Variants in HEXD observed in about 807,000 individuals in gnomAD.
HEXD encodes the protein hexosaminidase D, also known as N-acetyl-beta-galactosaminidase.
In HEXD, 47 loss-of-function variants were observed where a neutral mutation model predicts 54.2. That is an observed-to-expected ratio of 0.87 (90% CI 0.69 to 1.11). HEXD has a LOEUF of 1.11. Ranked by LOEUF, HEXD falls within the 50% of genes least tolerant of loss-of-function variation. The probability of loss-of-function intolerance (pLI) is 0.00; values close to 1 mark genes in which losing one functional copy is unlikely to be tolerated. For missense variants in HEXD, 576 were observed against 649.2 expected (o/e 0.89, Z 1.23); for synonymous variants, 293 against 287.6 (o/e 1.02, Z -0.19).
intron 8 of HEXD, 101 bp from the exon 9 acceptor site, chr17:82,439,530 C>G (rs1285185966): frequency 1.3e-6 from 2 of 1,487,038 alleles, no homozygotes; most frequent in Non-Finnish European, 1.8e-6. Context: ...CTGATGTAGC[C>G]TAAGGCCCTG....
At chr17:82,437,013 G>A (rs900132980) in intron 7 of HEXD, 155 bp from the exon 8 acceptor site, 23 of 727,242 alleles carry the variant, frequency 3.2e-5, no homozygotes, top group South Asian at 1.2e-4. Flanking sequence ...GACCCGGGCC[G>A]GCCGCATACA....
intron 7 of HEXD, 113 bp downstream of exon 7, chr17:82,436,851 A>T: frequency 1.0e-6 from 1 of 985,360 alleles, no homozygotes; most frequent in Non-Finnish European, 1.5e-6. Context: ...GCACGGGTAG[A>T]GGCCAGGGCA....
intron 4 of HEXD, among the ~76,000 whole-genome samples, chr17:82,430,440 G>C (rs111344428): frequency 3.9e-5 from 6 of 152,200 alleles, no homozygotes; most frequent in African/African-American, 1.4e-4. Context: ...CCAGGCTGGA[G>C]TGTAGTGGTG....
At position 82,439,338 on chromosome 17, in the gene HEXD, C is replaced by T. The variant is rs541978340; in HGVS notation, c.900-293C>T. ...AGGTGCTGGGGGGAGGGACAACGAC[C>T]GGCCACCCACCCAAGGTCCACCCAG... On this transcript the variant is annotated intron_variant, in intron 8 of 12. Transcript: ENST00000327949. 6.7e-5 allele frequency: 49 copies of T among 731,374 alleles called. No homozygotes were observed. In the African/African-American group the frequency reaches 7.3e-4, roughly 11 times the overall value. The allele number at this position is 731,374 out of a possible 1,614,324, so 45.3% of individuals were successfully genotyped here.
In HEXD at chr17:82,435,718, G is replaced by A. The variant is rs747291771; in HGVS notation, c.477G>A (p.Ser159=). Residue 159 remains serine (S), a synonymous_variant, in exon 6 of 13, where the codon TCG becomes TCA. Transcript: ENST00000327949. ...EVYYLGEGEA[S]RRWLQQEQNS... is the part of the protein sequence containing the mutation. The stretch of plus-strand genomic sequence containing the variant: ...ATTACCTCGGAGAGGGGGAGGCCTC[G>A]CGCCGGTGGCTACAGCAAGAGCAGA... 3.3e-5 allele frequency: 54 copies of A among 1,612,692 alleles called. No homozygotes were observed. Among genetic ancestry groups the A allele is most frequent in the Non-Finnish European group, 4.2e-5 (49 of 1,179,658 alleles).
In HEXD at chr17:82,442,341, T is replaced by C. The variant is rs2054016023; in HGVS notation, c.1418T>C (p.Leu473Pro). The change falls in exon 13 of 13, where the codon CTG becomes CCG. Residue 473 changes from leucine (L) to proline (P), a missense_variant. Leu to Pro is a moderately conservative substitution (Grantham distance 98). Transcript: ENST00000327949. The surrounding 1 kb of genome is among the most constrained non-coding windows in gnomAD (Gnocchi z 6.8). ...QDLSEVSAPP[L>P]PPTSPGRDVA... ...CTCAGCGAGGTGTCTGCCCCCCCGC[T>C]GCCACCCACCAGCCCTGGCAGGGAC... 1.9e-6 allele frequency: 3 copies of C among 1,611,120 alleles called. No individual in the cohort carries two copies. Among genetic ancestry groups the C allele is most frequent in the Non-Finnish European group, 2.5e-6 (3 of 1,179,474 alleles).
rs1371000426 is a variant in HEXD at position 82,418,392 on chromosome 17, C to A, written c.-400C>A. On this transcript the variant is annotated 5_prime_UTR_variant, in exon 1 of 13. Transcript: ENST00000327949. ...CCTGTCCGCCGCCGCAGCGCGCGCC[C>A]TTCCCCTCCTCACCGCTACCTGCTC... 1 of 1,470,414 alleles carries A rather than the reference C, an allele frequency of 6.8e-7. No homozygotes were observed. Among genetic ancestry groups the A allele is most frequent in the South Asian group, 1.3e-5 (1 of 79,016 alleles). 91.1% of individuals were successfully genotyped at this position (1,470,414 alleles called of 1,614,324 possible).
At chr17:82,424,015 G>T (rs1012781449) in intron 2 of HEXD, among the ~76,000 whole-genome samples, 4 of 150,442 alleles carry the variant, frequency 2.7e-5, no homozygotes, top group Non-Finnish European at 5.9e-5. Context: ...TTCTCCTTCA[G>T]CCTGGCTGCC....
At chr17:82,438,212 T>C (rs1223775731) in intron 8 of HEXD, among the ~76,000 whole-genome samples, 1 of 151,870 alleles carries the variant, frequency 6.6e-6, no homozygotes, top group Admixed American at 6.6e-5. Flanking sequence ...CACTCCAGCC[T>C]GGGCGACAGA....
intron 8 of HEXD, among the ~76,000 whole-genome samples, chr17:82,437,625 CTGTGTGTGTGTG>C (rs5822529): frequency 6.6e-6 from 1 of 150,892 alleles, no homozygotes; most frequent in African/African-American, 2.4e-5. Context: ...GCACCTGAGG[CTGTGTGTGTGTG>C]TGTGTGTGTG....
At chr17:82,438,287 A>G (rs1225643264) in intron 8 of HEXD, among the ~76,000 whole-genome samples, 1 of 152,208 alleles carries the variant, frequency 6.6e-6, no homozygotes, top group Non-Finnish European at 1.5e-5. Context: ...TGTCCTGGAC[A>G]TTTCAGTGTG....
In HEXD at chr17:82,433,708, C is replaced by CCCCTGCA; in HGVS notation, c.339_345dup (p.Asn116HisfsTer18). The CCCCTGCA allele has an allele frequency of 2.5e-6, 4 of 1,612,852 alleles. No individual in the cohort carries two copies. The highest frequency in any genetic ancestry group is 3.4e-6 in the Non-Finnish European group (4 of 1,179,700). ...CCCACCTGCGGGAGGTGGGCTCCTTCCCCTGCACCCTGAACCCCCACGAGG... is the reference window on the plus strand; with the variant it reads ...CCCACCTGCGGGAGGTGGGCTCCTTCCCCTGCACCCTGCACCCTGAACCCCCACGAGG... On this transcript the variant is annotated frameshift_variant, in exon 5 of 13. Transcript: ENST00000327949. LOFTEE classifies it high-confidence loss of function.
In HEXD at chr17:82,437,320, C is replaced by T. The variant is rs1026062693; in HGVS notation, c.856C>T (p.Pro286Ser). The T allele has an allele frequency of 2.5e-6, 4 of 1,610,648 alleles. No individual in the cohort carries two copies. Among genetic ancestry groups the T allele is most frequent in the Non-Finnish European group, 3.4e-6 (4 of 1,178,940 alleles). The change falls in exon 8 of 13, where the codon CCC (proline) becomes TCC (serine). Residue 286 changes from proline to serine, a missense_variant. Coordinates refer to ENST00000327949, the MANE Select transcript of HEXD (RefSeq NM_001330542.2). ...VQWLQVAGSG[P>S]TDSLQGIILT... ...GTGGCTGCAGGTGGCGGGCAGCGGG[C>T]CCACGGACTCACTGCAGGGCATCAT...
rs1417975693 is a variant in HEXD, at chr17:82,441,858, A to G, written c.1222A>G (p.Met408Val). ...HRQRKLIHPV[M>V]VQHIQPAALS... ...CCAGCGGAAGCTCATCCACCCGGTC[A>G]TGGTTCAGCACATCCAGCCCGCAGC... Residue 408 changes from methionine (M) to valine (V), a missense_variant, in exon 12 of 13, where the codon ATG (methionine) becomes GTG (valine). By Grantham distance (21) the Met-to-Val change is conservative (BLOSUM62 1). Coordinates refer to ENST00000327949, the MANE Select transcript of HEXD (RefSeq NM_001330542.2). The G allele has an allele frequency of 3.1e-6, 5 of 1,613,226 alleles. No individual in the cohort carries two copies. Among genetic ancestry groups the G allele is most frequent in the Non-Finnish European group, 4.2e-6 (5 of 1,179,988 alleles).
intron 4 of HEXD, among the ~76,000 whole-genome samples, chr17:82,430,605 T>C (rs1294665467): frequency 1.3e-5 from 2 of 152,138 alleles, no homozygotes; most frequent in East Asian, 3.9e-4. Context: ...GCCAAGCTAG[T>C]CTCAAACTCC....
rs1434072603 is a variant in HEXD, at chr17:82,441,177, C to A, written c.1074C>A (p.Gly358=). ...EKTDPVREGA[G]SFPGSNILAL... ...GGGCTCTCCGCAGGGAGGGGGCCGG[C>A]TCCTTCCCTGGCAGCAACATCCTTG... The change falls in exon 11 of 13, where the codon GGC becomes GGA. Residue 358 remains glycine (G), a synonymous_variant. Coordinates refer to ENST00000327949, the MANE Select transcript of HEXD (RefSeq NM_001330542.2). The A allele has an allele frequency of 6.2e-7, 1 of 1,613,128 alleles. No homozygotes were observed. Among genetic ancestry groups the A allele is most frequent in the African/African-American group, 1.3e-5 (1 of 74,922 alleles).
rs748420591 is a variant in HEXD at position 82,424,416 on chromosome 17, TA to T, written c.108del (p.Gly37ValfsTer19). 6 of 1,613,656 alleles carry T rather than the reference TA, an allele frequency of 3.7e-6. No individual in the cohort carries two copies. The highest frequency in any genetic ancestry group is 4.2e-6 in the Non-Finnish European group (5 of 1,179,636). Reference sequence around the variant, plus strand: ...CAGATTTTTCCTCTGTTCCGTGCGCTAGGTGCAAACGGCCTCCTCATTGAGT... The same window carrying T: ...CAGATTTTTCCTCTGTTCCGTGCGCTGGTGCAAACGGCCTCCTCATTGAGT... The part of the protein sequence containing the change: ...LSEIFPLFRA[L>X]GANGLLIEYE... On this transcript the variant is annotated frameshift_variant, in exon 3 of 13. Coordinates refer to ENST00000327949, the MANE Select transcript of HEXD (RefSeq NM_001330542.2). LOFTEE classifies it high-confidence loss of function.
rs540190186 is a variant in HEXD at position 82,427,777 on chromosome 17, C to CT, written c.195-773dup. 1.5e-4 allele frequency among the ~76,000 whole-genome samples: 23 copies of CT among 152,134 alleles called. No individual in the cohort carries two copies. The South Asian group carries it at 3.9e-3, about 26-fold the overall frequency. On this transcript the variant is annotated intron_variant, in intron 3 of 12. Transcript: ENST00000327949. Reference sequence around the variant, plus strand: ...AAACACATACAAAAACTAGAAATAGCTTTTTTTTAGATAAATTCATAAATG... The same window carrying CT: ...AAACACATACAAAAACTAGAAATAGCTTTTTTTTTAGATAAATTCATAAATG...
chr17:82,439,820 G>C (rs1316993322), intron 9 of HEXD, 107 bp downstream of exon 9: 4 of 1,585,016 alleles, frequency 2.5e-6, no homozygotes, highest in Non-Finnish European at 3.4e-6. Context: ...GACTGTGGTG[G>C]TCCTCACAGT....
Sources: gnomAD v4.1 joint callset for allele counts (sites outside exome capture counted in the v4.1 genomes callset) on GRCh38, gnomAD v4.1.1 for gene constraint, Gnocchi (gnomAD v3.1) non-coding constraint, MANE v1.5 for transcripts, NCBI Gene and HGNC (gene_info 2026-07-23, HGNC 2026-07-21) for gene names.